The following PAQR3 variants were observed in gnomAD, a reference collection of about 807,000 sequenced individuals.
PAQR3 encodes the protein progestin and adipoQ receptor family member 3, also known as Raf kinase trapping to Golgi.
In PAQR3, 39 loss-of-function variants were observed where a neutral mutation model predicts 41.7. The observed-to-expected ratio is 0.93, with a 90% CI of 0.72 to 1.22. The LOEUF is 1.22. PAQR3 is among the 50% of genes most tolerant of loss of function. PAQR3 has a pLI of 0.00. For missense variants in PAQR3, 366 were observed against 385.6 expected, an observed-to-expected ratio of 0.95 and a Z score of 0.42; for synonymous variants, 140 against 140.6, an observed-to-expected ratio of 1.00 and a Z score of 0.03.
At chr4:78,935,859 T>C (rs1243218056) in intron 1 of PAQR3, among the ~76,000 whole-genome samples, 1 of 152,260 alleles carries the variant, frequency 6.6e-6, no homozygotes, top group Non-Finnish European at 1.5e-5. Flanking sequence ...AAAGGTTCTT[T>C]AAGATAGGCA....
intron 11 of PAQR3, among the ~76,000 whole-genome samples, chr4:78,901,911 C>T (rs1465348323): frequency 6.6e-6 from 1 of 152,072 alleles, no homozygotes; most frequent in East Asian, 1.9e-4. Context: ...TCCCAAAGAC[C>T]CTAGACCCAC....
chr4:78,920,712 G>A, intron 5 of PAQR3, 31 bp from the exon 6 acceptor site: 1 of 1,585,242 alleles, frequency 6.3e-7, no homozygotes, highest in Non-Finnish European at 8.6e-7. Context: ...AAATGATAAT[G>A]ATTTCAATAT....
At chr4:78,889,220 CAAAAAAAAAAAAA>C (rs71661191) in intron 11 of PAQR3, among the ~76,000 whole-genome samples, 1 of 53,754 alleles carries the variant, frequency 1.9e-5, no homozygotes, top group Non-Finnish European at 4.0e-5. Flanking sequence ...GACTCTGTCT[CAAAAAAAAAAAAA>C]AAAAAAAAAG....
intron 11 of PAQR3, among the ~76,000 whole-genome samples, chr4:78,901,166 C>G (rs979816509): frequency 1.3e-5 from 2 of 152,110 alleles, no homozygotes; most frequent in African/African-American, 2.4e-5. Flanking sequence ...CTCTCAGCCT[C>G]CCAAGTAGCT....
intron 5 of PAQR3, 49 bp downstream of exon 5, chr4:78,923,808 G>A (rs1257453817): frequency 1.7e-6 from 2 of 1,211,240 alleles, no homozygotes; most frequent in Non-Finnish European, 2.5e-6. Flanking sequence ...TATACCTTGG[G>A]CATATATTTA....
rs1020092934 is a variant in PAQR3, at chr4:78,935,161, T to A, written c.308A>T (p.Glu103Val). 1 of 1,613,686 alleles carries A rather than the reference T, an allele frequency of 6.2e-7. No individual in the cohort carries two copies. Reference sequence around the variant, plus strand: ...ACAAATAGAACAAATTACAAAATCTTCTCTGGACGCACTTGCTGAAGGTAA... The same window carrying A: ...ACAAATAGAACAAATTACAAAATCTACTCTGGACGCACTTGCTGAAGGTAA... ...SVLPSASASR[E>V]DFVICSICLF... The change falls in exon 2 of 6, where the codon GAA becomes GTA. Residue 103 changes from glutamate (E) to valine (V), a missense_variant. Glu to Val is a moderately radical substitution (Grantham distance 121). Coordinates refer to ENST00000512733, the MANE Select transcript of PAQR3 (RefSeq NM_001040202.2).
chr4:78,889,262 A>G (rs965539338), intron 11 of PAQR3, among the ~76,000 whole-genome samples: 1 of 150,724 alleles, frequency 6.6e-6, no homozygotes, highest in Non-Finnish European at 1.5e-5. Context: ...TATAAATGCT[A>G]CCTTTTAAAG....
At chr4:78,930,726 G>A (rs4246709) in intron 2 of PAQR3, 1 of 152,578 alleles carries the variant, frequency 6.6e-6, no homozygotes, top group African/African-American at 2.4e-5. Context: ...GCAATATATA[G>A]CCTTAAAAAA....
intron 11 of PAQR3, among the ~76,000 whole-genome samples, chr4:78,888,969 C>A (rs1471024621): frequency 6.6e-6 from 1 of 152,038 alleles, no homozygotes; most frequent in South Asian, 2.1e-4. Flanking sequence ...CGCCTGTAAT[C>A]CCAGCACTTT....
At chr4:78,938,951 A>C (rs1737732539) in intron 1 of PAQR3, 89 bp downstream of exon 1, 20 of 1,292,842 alleles carry the variant, frequency 1.5e-5, no homozygotes, top group Non-Finnish European at 2.0e-5. Context: ...ATGGGCAAGC[A>C]GAAAGGCGGG....
In PAQR3 at chr4:78,915,571, T is replaced by C. The variant is rs536531986; in HGVS notation, c.*4968A>G. 6.6e-6 allele frequency: 1 copy of C among 152,116 alleles called. No individual in the cohort carries two copies. The highest frequency in any genetic ancestry group is 2.4e-5 in the African/African-American group (1 of 41,538). 9.4% of individuals were successfully genotyped at this position (152,116 alleles called of 1,614,324 possible). On this transcript the variant is annotated 3_prime_UTR_variant, in exon 6 of 6. Coordinates refer to ENST00000512733, the MANE Select transcript of PAQR3 (RefSeq NM_001040202.2). ...ATATCTACTGTGAGAATACCATAAATGATGAATAGTTTATTTGAGAACTTT... is the reference window on the plus strand; with the variant it reads ...ATATCTACTGTGAGAATACCATAAACGATGAATAGTTTATTTGAGAACTTT...
chr4:78,936,261 C>T (rs1286816022), intron 1 of PAQR3, among the ~76,000 whole-genome samples: 1 of 152,198 alleles, frequency 6.6e-6, no homozygotes, highest in Non-Finnish European at 1.5e-5. Context: ...TTAAAATACT[C>T]TTGCATTTGT....
At chr4:78,937,206 G>T (rs1270986695) in intron 1 of PAQR3, among the ~76,000 whole-genome samples, 1 of 152,190 alleles carries the variant, frequency 6.6e-6, no homozygotes, top group Non-Finnish European at 1.5e-5. Flanking sequence ...ACATGGGATG[G>T]AGGCCTTTTG....
chr4:78,921,078 T>C (rs745977760), intron 5 of PAQR3, among the ~76,000 whole-genome samples: 1 of 151,936 alleles, frequency 6.6e-6, no homozygotes, highest in African/African-American at 2.4e-5. Flanking sequence ...GAGAAGGAGA[T>C]ATACTGCTGG....
intron 11 of PAQR3, among the ~76,000 whole-genome samples, chr4:78,894,392 C>T (rs745531442): frequency 4.6e-5 from 7 of 152,248 alleles, no homozygotes; most frequent in African/African-American, 9.6e-5. Flanking sequence ...TGAAATCTTC[C>T]GGATAACTTG....
intron 4 of PAQR3, among the ~76,000 whole-genome samples, chr4:78,926,123 A>G (rs948778903): frequency 1.3e-5 from 2 of 151,462 alleles, no homozygotes; most frequent in Admixed American, 1.3e-4. Flanking sequence ...ATCCTTCCCA[A>G]CCTCCCTTCA....
At chr4:78,897,573 T>A (rs962069999) in intron 11 of PAQR3, among the ~76,000 whole-genome samples, 7 of 152,228 alleles carry the variant, frequency 4.6e-5, no homozygotes, top group Non-Finnish European at 1.0e-4. Flanking sequence ...TCCTTGTAGA[T>A]CTAATATTTA....
chr4:78,938,830 T>C (rs528031491), intron 1 of PAQR3, among the ~76,000 whole-genome samples: 1 of 151,898 alleles, frequency 6.6e-6, no homozygotes, highest in Non-Finnish European at 1.5e-5. Context: ...TTATGATCAC[T>C]GTTACTATCA....
chr4:78,910,373 G>A (rs1317839076), downstream of PAQR3, among the ~76,000 whole-genome samples: 1 of 152,214 alleles, frequency 6.6e-6, no homozygotes, highest in South Asian at 2.1e-4. Context: ...AGAGTACGAT[G>A]AGGCAGGGTG....
Sources: allele counts gnomAD v4.1 joint callset (sites outside exome capture counted in the v4.1 genomes callset), GRCh38; gene constraint gnomAD v4.1.1; transcripts MANE v1.5; gene names NCBI Gene and HGNC (gene_info 2026-07-23, HGNC 2026-07-21).